The following PRRG3 variants were observed in gnomAD, a reference collection of about 807,000 sequenced individuals.
The protein encoded by PRRG3 is transmembrane gamma-carboxyglutamic acid protein 3.
PRRG3 carries 21 observed loss-of-function variants against 15.8 expected under a neutral mutation model. The observed-to-expected ratio is 1.33, with a 90% CI of 0.94 to 1.92. PRRG3 has a LOEUF of 1.92. Among genes scored for constraint, PRRG3 ranks in the 40% most tolerant of loss-of-function variants. PRRG3 has a pLI of 0.00. For missense variants in PRRG3, 251 were observed against 200.2 expected (o/e 1.25, Z -1.53); for synonymous variants, 125 against 84.1 (o/e 1.49, Z -2.66).
chrX:151,701,068 C>G lies in PRRG3; in HGVS notation c.*35C>G, dbSNP rs770739298. ...TGTGCCCTGTCCTGGATGAACGCCTCTTTCCGAGGTCTCCTATTTTCTTTT... is the reference window on the plus strand; with the variant it reads ...TGTGCCCTGTCCTGGATGAACGCCTGTTTCCGAGGTCTCCTATTTTCTTTT... On this transcript the variant is annotated 3_prime_UTR_variant, in exon 4 of 4. Coordinates refer to ENST00000674457, the MANE Select transcript of PRRG3 (RefSeq NM_001372163.1). 10 of 1,062,423 alleles carry G rather than the reference C, an allele frequency of 9.4e-6. No homozygotes were observed. 87.6% of individuals were successfully genotyped at this position (1,062,423 alleles called of 1,213,427 possible). A position where few individuals can be genotyped will look rare whatever the true frequency, so the allele number is the denominator to read the frequency against.
chrX:151,705,678 G>C lies in PRRG3; in HGVS notation c.*4645G>C, dbSNP rs1353847000. 1.8e-5 allele frequency: 3 copies of C among 169,660 alleles called. No individual in the cohort carries two copies. The highest frequency in any genetic ancestry group is 3.4e-5 in the Non-Finnish European group (3 of 89,089). 14.0% of individuals were successfully genotyped at this position (169,660 alleles called of 1,213,427 possible). A position where few individuals can be genotyped will look rare whatever the true frequency, so the allele number is the denominator to read the frequency against. On this transcript the variant is annotated 3_prime_UTR_variant, in exon 4 of 4. Coordinates refer to ENST00000674457, the MANE Select transcript of PRRG3 (RefSeq NM_001372163.1). The stretch of plus-strand genomic sequence containing the variant: ...CTGAGCTTATAGAAATAATTACTGT[G>C]AAATGGATTAATTTTGATACCACTT...
chrX:151,700,645 G>A lies in PRRG3; in HGVS notation c.308G>A (p.Cys103Tyr). Residue 103 changes from cysteine (C) to tyrosine (Y), a missense_variant, in exon 4 of 4, where the codon TGC (cysteine) becomes TAC (tyrosine). Transcript: ENST00000674457. Reference sequence around the variant, plus strand: ...ATCGCCTTGTTCATCATCTGGAGGTGCCAGCTGCAGAAAGCGACCCGTCAC... The same window carrying A: ...ATCGCCTTGTTCATCATCTGGAGGTACCAGCTGCAGAAAGCGACCCGTCAC... ...IVIALFIIWR[C>Y]QLQKATRHHP... The A allele has an allele frequency of 8.3e-7, 1 of 1,211,557 alleles. No homozygotes were observed. The highest frequency in any genetic ancestry group is 2.2e-5 in the Admixed American group (1 of 46,039).
chrX:151,697,009 C>A lies in PRRG3; in HGVS notation c.-32+1465C>A, dbSNP rs1372326146. Among the ~76,000 whole-genome samples the A allele has an allele frequency of 2.8e-5, 3 of 108,666 alleles. No homozygotes were observed. The South Asian group carries it at 1.2e-3, about 45-fold the overall frequency. 94.4% of individuals were successfully genotyped at this position (108,666 alleles called of 115,157 possible). On this transcript the variant is annotated intron_variant, in intron 1 of 3. Coordinates refer to ENST00000674457, the MANE Select transcript of PRRG3 (RefSeq NM_001372163.1). The stretch of plus-strand genomic sequence containing the variant: ...TCTTTCTCTCTTTCTTTCTCTCTTT[C>A]TTTCTTTCTTCCTTCCTTCCTCCCT...
chrX:151,700,253 G>A, intron 3 of PRRG3, 97 bp downstream of exon 3: 1 of 1,197,917 alleles, frequency 8.3e-7, no homozygotes, highest in Non-Finnish European at 1.1e-6. Flanking sequence ...AGCAAGGAAA[G>A]ACACCCAGCC....
intron 1 of PRRG3, among the ~76,000 whole-genome samples, chrX:151,697,892 C>G (rs2014795391): frequency 9.1e-6 from 1 of 109,709 alleles, no homozygotes; most frequent in South Asian, 4.1e-4. Context: ...AGCTCCTTAG[C>G]AGGAGAAAGG....
At position 151,705,252 on chromosome X, in the gene PRRG3, T is replaced by C. The variant is rs1402425503; in HGVS notation, c.*4219T>C. On this transcript the variant is annotated 3_prime_UTR_variant, in exon 4 of 4. Coordinates refer to ENST00000674457, the MANE Select transcript of PRRG3 (RefSeq NM_001372163.1). ...AACTAATACACATGATGTATCTTTC[T>C]AAATATTCTGTAAAGCAGATGCTTC... 2.9e-6 allele frequency: 1 copy of C among 341,593 alleles called. No homozygotes were observed. The highest frequency in any genetic ancestry group is 5.9e-6 in the Non-Finnish European group (1 of 169,335). 28.2% of individuals were successfully genotyped at this position (341,593 alleles called of 1,213,427 possible). A position where few individuals can be genotyped will look rare whatever the true frequency, so the allele number is the denominator to read the frequency against.
rs1318726408 is a variant in PRRG3 at position 151,700,949 on chromosome X, C to A, written c.612C>A (p.Ser204Arg). ...YEEVTAPQES[S>R]SEEASVSYSD... ...AGGTGACTGCGCCCCAAGAGAGCAGCAGTGAGGAGGCCAGCGTGTCTTACA... is the reference window on the plus strand; with the variant it reads ...AGGTGACTGCGCCCCAAGAGAGCAGAAGTGAGGAGGCCAGCGTGTCTTACA... Residue 204 changes from serine (S) to arginine (R), a missense_variant, in exon 4 of 4, where the codon AGC (serine) becomes AGA (arginine). Physicochemically the swap from Ser to Arg is moderately radical, Grantham distance 110 (BLOSUM62 -1). Coordinates refer to ENST00000674457, the MANE Select transcript of PRRG3 (RefSeq NM_001372163.1). 8.3e-7 allele frequency: 1 copy of A among 1,208,902 alleles called. No homozygotes were observed.
rs902372390 is a variant in PRRG3 at position 151,704,352 on chromosome X, C to T, written c.*3319C>T. 6.3e-5 allele frequency: 7 copies of T among 111,403 alleles called. No homozygotes were observed. The highest frequency in any genetic ancestry group is 1.1e-4 in the Non-Finnish European group (6 of 53,089). The allele number at this position is 111,403 out of a possible 1,213,427, so 9.2% of individuals were successfully genotyped here. A position where few individuals can be genotyped will look rare whatever the true frequency, so the allele number is the denominator to read the frequency against. Reference sequence around the variant, plus strand: ...TTCCAAAAACAGGAGTCTGCCTGATCTGTTGGACATTGCCTTTTTGGTAGC... The same window carrying T: ...TTCCAAAAACAGGAGTCTGCCTGATTTGTTGGACATTGCCTTTTTGGTAGC... On this transcript the variant is annotated 3_prime_UTR_variant, in exon 4 of 4. Coordinates refer to ENST00000674457, the MANE Select transcript of PRRG3 (RefSeq NM_001372163.1).
chrX:151,699,282 G>A (rs2014820126), intron 2 of PRRG3, among the ~76,000 whole-genome samples: 1 of 112,464 alleles, frequency 8.9e-6, no homozygotes, highest in South Asian at 3.7e-4. Flanking sequence ...TCTCTCTCTG[G>A]AATAAGTAGA....
chrX:151,700,414 A>G, intron 3 of PRRG3, 92 bp from the exon 4 acceptor site: 2 of 1,126,918 alleles, frequency 1.8e-6, no homozygotes, highest in Non-Finnish European at 2.4e-6. Context: ...GACAAGTCAG[A>G]TGGGGAAGGG....
chrX:151,696,703 A>C (rs769816673), intron 1 of PRRG3, among the ~76,000 whole-genome samples: 1 of 110,856 alleles, frequency 9.0e-6, no homozygotes, highest in South Asian at 3.9e-4. Context: ...TTCAAGCAAA[A>C]AATCCTTGCC....
Position 151,700,880 on chromosome X carries a change from T to C in PRRG3, c.543T>C (p.Ser181=). Reference sequence around the variant, plus strand: ...GCACCCTCTACCTCCCTGAGCTCTCTCTCTCCAGACTGTCCAGCACCACCC... The same window carrying C: ...GCACCCTCTACCTCCCTGAGCTCTCCCTCTCCAGACTGTCCAGCACCACCC... ...LESTLYLPEL[S]LSRLSSTTPP... is the part of the protein sequence containing the mutation. The change falls in exon 4 of 4, where the codon TCT becomes TCC. Residue 181 remains serine (S), a synonymous_variant. Transcript: ENST00000674457. 8.3e-7 allele frequency: 1 copy of C among 1,209,047 alleles called. No homozygotes were observed. Among genetic ancestry groups the C allele is most frequent in the Non-Finnish European group, 1.1e-6 (1 of 894,622 alleles).
intron 3 of PRRG3, 37 bp from the exon 4 acceptor site, chrX:151,700,469 C>G: frequency 8.7e-7 from 1 of 1,155,379 alleles, no homozygotes. Flanking sequence ...CCACCTGGAG[C>G]TTGAGCTTCT....
At position 151,704,465 on chromosome X, in the gene PRRG3, C is replaced by T. The variant is rs377394061; in HGVS notation, c.*3432C>T. 6 of 111,483 alleles carry T rather than the reference C, an allele frequency of 5.4e-5. No homozygotes were observed. Among genetic ancestry groups the T allele is most frequent in the African/African-American group, 2.0e-4 (6 of 30,601 alleles). 9.2% of individuals were successfully genotyped at this position (111,483 alleles called of 1,213,427 possible). ...TCCCCTCTCCCAGTGGGTGGAGCAT[C>T]GCAACCCCCAGCCAGAGTTGATCTT... On this transcript the variant is annotated 3_prime_UTR_variant, in exon 4 of 4. Transcript: ENST00000674457.
Position 151,704,321 on chromosome X carries a change from G to C in PRRG3, c.*3288G>C, listed in dbSNP as rs1393548144. The C allele has an allele frequency of 9.0e-6, 1 of 110,883 alleles. No individual in the cohort carries two copies. The highest frequency in any genetic ancestry group is 2.8e-4 in the East Asian group (1 of 3,514). The allele number at this position is 110,883 out of a possible 1,213,427, so 9.1% of individuals were successfully genotyped here. ...CACTGCCATGAATGTGAATTCCTTAGGGTGCTTCCAAAAACAGGAGTCTGC... is the reference window on the plus strand; with the variant it reads ...CACTGCCATGAATGTGAATTCCTTACGGTGCTTCCAAAAACAGGAGTCTGC... On this transcript the variant is annotated 3_prime_UTR_variant, in exon 4 of 4. Coordinates refer to ENST00000674457, the MANE Select transcript of PRRG3 (RefSeq NM_001372163.1).
chrX:151,700,318 T>C, intron 3 of PRRG3, 162 bp downstream of exon 3: 1 of 1,146,894 alleles, frequency 8.7e-7, no homozygotes, highest in Non-Finnish European at 1.2e-6. Flanking sequence ...ACAGTCCCAT[T>C]GCCTGACTCT....
Position 151,700,725 on chromosome X carries a change from C to A in PRRG3, c.388C>A (p.Pro130Thr), listed in dbSNP as rs1281114202. 3 of 1,207,735 alleles carry A rather than the reference C, an allele frequency of 2.5e-6. No individual in the cohort carries two copies. The highest frequency in any genetic ancestry group is 3.4e-6 in the Non-Finnish European group (3 of 893,836). The change falls in exon 4 of 4, where the codon CCC becomes ACC. Residue 130 changes from proline to threonine, a missense_variant. By Grantham distance (38) the Pro-to-Thr change is conservative. Transcript: ENST00000674457. ...YLASRAGHTLPRVMVYRGTVH... is the reference protein window; with the variant it reads ...YLASRAGHTLTRVMVYRGTVH... ...AGCCAGTCGCGCCGGGCACACCCTC[C>A]CCCGGGTCATGGTGTACCGGGGTAC... is the stretch of plus-strand genomic sequence containing the variant.
chrX:151,697,070 T>C (rs2014773914), intron 1 of PRRG3, among the ~76,000 whole-genome samples: 1 of 78,792 alleles, frequency 1.3e-5, no homozygotes, highest in Non-Finnish European at 2.4e-5. Context: ...CCTCCTTCCC[T>C]TCCCTTCTCC....
intron 2 of PRRG3, 29 bp from the exon 3 acceptor site, chrX:151,699,967 T>C: frequency 8.5e-7 from 1 of 1,174,447 alleles, no homozygotes; most frequent in Non-Finnish European, 1.1e-6. Flanking sequence ...ATCTCCCCAT[T>C]CCAGGCCTCA....
Sources: gnomAD v4.1 joint callset for allele counts (sites outside exome capture counted in the v4.1 genomes callset) on GRCh38, gnomAD v4.1.1 for gene constraint, MANE v1.5 for transcripts, NCBI Gene and HGNC (gene_info 2026-07-23, HGNC 2026-07-21) for gene names.